Variants in ST3GAL2 observed in about 807,000 individuals in gnomAD.
ST3GAL2 encodes CMP-N-acetylneuraminate-beta-galactosamide-alpha-2,3-sialyltransferase 2.
A neutral mutation model predicts 37.5 loss-of-function variants in ST3GAL2; 16 were observed. The observed-to-expected ratio is 0.43, with a 90% CI of 0.29 to 0.65. The LOEUF is 0.65. ST3GAL2 is among the 30% of genes least tolerant of loss of function. ST3GAL2 has a pLI of 0.17. For missense variants in ST3GAL2, 383 were observed against 487.8 expected, an observed-to-expected ratio of 0.79 and a Z score of 2.02; for synonymous variants, 238 against 202.9, an observed-to-expected ratio of 1.17 and a Z score of -1.47.
rs1048505086 is a variant in ST3GAL2 at position 70,428,948 on chromosome 16, A to G, written c.-1004+10001T>C. Among the ~76,000 whole-genome samples, 5 of 152,224 alleles carry G rather than the reference A, an allele frequency of 3.3e-5. No homozygotes were observed. The East Asian group carries it at 5.8e-4, about 18-fold the overall frequency. ...TGGCAAATAAAAAAATGGGAATCCT[A>G]TTAACAGTCACCCCAGGGCCTAAAT... On this transcript the variant is annotated intron_variant, in intron 1 of 6. Transcript: ENST00000342907.
intron 1 of ST3GAL2, among the ~76,000 whole-genome samples, chr16:70,405,015 G>A (rs1222123838): frequency 3.4e-5 from 5 of 144,986 alleles, no homozygotes; most frequent in African/African-American, 5.1e-5. Flanking sequence ...CCTGGCGACA[G>A]AGTGAGACTC....
At position 70,394,971 on chromosome 16, in the gene ST3GAL2, C is replaced by G; in HGVS notation, c.533+11G>C. 6.2e-7 allele frequency: 1 copy of G among 1,610,638 alleles called. No individual in the cohort carries two copies. Among genetic ancestry groups the G allele is most frequent in the East Asian group, 2.2e-5 (1 of 44,606 alleles). ...ATCCTGAGCCCACCCTTGGGCTCCACAGGGGCTCACCTCATGATGAAGTTG... is the reference window on the plus strand; with the variant it reads ...ATCCTGAGCCCACCCTTGGGCTCCAGAGGGGCTCACCTCATGATGAAGTTG... On this transcript the variant is annotated intron_variant, in intron 3 of 6. Transcript: ENST00000342907.
In ST3GAL2 at chr16:70,420,369, T is replaced by G. The variant is rs576872714; in HGVS notation, c.-1004+18580A>C. The stretch of plus-strand genomic sequence containing the variant: ...TCCAGTCACATAGGTGCCAATCACC[T>G]GGGAGACCTAGGGAAACAGGCATCC... On this transcript the variant is annotated intron_variant, in intron 1 of 6. Transcript: ENST00000342907. 6.6e-5 allele frequency among the ~76,000 whole-genome samples: 10 copies of G among 152,322 alleles called. No individual in the cohort carries two copies. The South Asian group carries it at 2.1e-3, about 32-fold the overall frequency.
At chr16:70,393,447 A>G (rs2047495087) in intron 3 of ST3GAL2, among the ~76,000 whole-genome samples, 1 of 152,104 alleles carries the variant, frequency 6.6e-6, no homozygotes, top group Non-Finnish European at 1.5e-5. Flanking sequence ...GTCCTTTTGG[A>G]CCTGCAGGGC....
intron 1 of ST3GAL2, chr16:70,399,793 A>G (rs1414023789): frequency 5.0e-6 from 1 of 200,746 alleles, no homozygotes; most frequent in Non-Finnish European, 9.9e-6. Context: ...TCCCTAAGCC[A>G]CATGCTTTCA....
chr16:70,428,740 T>C (rs2047768392), intron 1 of ST3GAL2, among the ~76,000 whole-genome samples: 1 of 152,202 alleles, frequency 6.6e-6, no homozygotes, highest in African/African-American at 2.4e-5. Flanking sequence ...CTTCCTCCTC[T>C]TCTCTACAGT....
intron 1 of ST3GAL2, among the ~76,000 whole-genome samples, chr16:70,411,223 A>G (rs1182997003): frequency 2.6e-5 from 4 of 151,846 alleles, no homozygotes; most frequent in African/African-American, 7.3e-5. Flanking sequence ...CATCTCTACT[A>G]AAAATACAAA....
chr16:70,414,464 G>A (rs1307682062), intron 1 of ST3GAL2, among the ~76,000 whole-genome samples: 2 of 152,170 alleles, frequency 1.3e-5, no homozygotes, highest in African/African-American at 4.8e-5. Context: ...GCCCATTTCA[G>A]TCTTTCACCT....
chr16:70,425,673 C>T (rs1391274762), intron 1 of ST3GAL2, among the ~76,000 whole-genome samples: 8 of 151,814 alleles, frequency 5.3e-5, no homozygotes, highest in African/African-American at 1.9e-4. Flanking sequence ...GAACCGAGAC[C>T]GCTCCATTCA....
intron 4 of ST3GAL2, among the ~76,000 whole-genome samples, chr16:70,385,987 G>A (rs1053149161): frequency 7.2e-5 from 11 of 152,064 alleles, no homozygotes; most frequent in Middle Eastern, 3.4e-3. Flanking sequence ...GATTACAGGT[G>A]TGAGCCACTG....
At chr16:70,390,145 G>A (rs2047473246) in intron 3 of ST3GAL2, among the ~76,000 whole-genome samples, 1 of 152,066 alleles carries the variant, frequency 6.6e-6, no homozygotes, top group African/African-American at 2.4e-5. Flanking sequence ...CACCATCATG[G>A]CTCACTGCAG....
chr16:70,379,196 C>T lies in ST3GAL2; in HGVS notation c.*2493G>A, dbSNP rs1009390626. On this transcript the variant is annotated 3_prime_UTR_variant, in exon 7 of 7. Coordinates refer to ENST00000342907, the MANE Select transcript of ST3GAL2 (RefSeq NM_006927.4). Reference sequence around the variant, plus strand: ...CTGGAGACATCATGTTGACAGAGGCCAAAGTGGTTACAGGACAGCCACTGC... The same window carrying T: ...CTGGAGACATCATGTTGACAGAGGCTAAAGTGGTTACAGGACAGCCACTGC... The T allele has an allele frequency of 4.6e-5, 7 of 152,134 alleles. No individual in the cohort carries two copies. Among genetic ancestry groups the T allele is most frequent in the African/African-American group, 1.4e-4 (6 of 41,422 alleles). 9.4% of individuals were successfully genotyped at this position (152,134 alleles called of 1,614,324 possible).
Position 70,411,680 on chromosome 16 carries a change from T to C in ST3GAL2, c.-1003-12147A>G, listed in dbSNP as rs117136893. Among the ~76,000 whole-genome samples the C allele has an allele frequency of 8.6e-3, 1,309 of 152,230 alleles. 8 individuals are homozygous for C. The highest frequency in any genetic ancestry group is 0.015 in the Non-Finnish European group (1,025 of 68,012). On this transcript the variant is annotated intron_variant, in intron 1 of 6. Transcript: ENST00000342907. ...AAGTCATTGTGGGTTACTCTGCTAC[T>C]TGCATCCTAATATATTGTTAATAGT...
At chr16:70,397,993 G>A (rs774773375) in intron 2 of ST3GAL2, among the ~76,000 whole-genome samples, 199 bp downstream of exon 2, 3 of 152,178 alleles carry the variant, frequency 2.0e-5, no homozygotes, top group East Asian at 1.9e-4. Context: ...GCCTATGCTC[G>A]GGTCCTACAG....
At chr16:70,412,040 C>A (rs2047642066) in intron 1 of ST3GAL2, among the ~76,000 whole-genome samples, 1 of 152,078 alleles carries the variant, frequency 6.6e-6, no homozygotes, top group Non-Finnish European at 1.5e-5. Context: ...CATAATGCAT[C>A]CACTTCTGTG....
chr16:70,429,167 C>T (rs917305249), intron 1 of ST3GAL2, among the ~76,000 whole-genome samples: 3 of 152,214 alleles, frequency 2.0e-5, no homozygotes, highest in Non-Finnish European at 2.9e-5. Flanking sequence ...CGCATCCAAA[C>T]AGGTTAGGAG....
chr16:70,389,039 A>T (rs1319682928), intron 3 of ST3GAL2, among the ~76,000 whole-genome samples: 3 of 135,174 alleles, frequency 2.2e-5, no homozygotes, highest in Middle Eastern at 4.3e-3. Context: ...GCACCACCGC[A>T]CTCCAGCCTG....
chr16:70,385,172 G>T (rs528446350), intron 4 of ST3GAL2, among the ~76,000 whole-genome samples: 22 of 152,118 alleles, frequency 1.4e-4, no homozygotes, highest in Middle Eastern at 6.8e-3. Context: ...GGGCGTGGTG[G>T]TGCTTGCCTG....
At chr16:70,429,997 G>A (rs964929713) in intron 1 of ST3GAL2, among the ~76,000 whole-genome samples, 2 of 152,190 alleles carry the variant, frequency 1.3e-5, no homozygotes, top group Non-Finnish European at 2.9e-5. Flanking sequence ...CATTCAACCA[G>A]ACCAAGCCCT....
Sources: allele counts gnomAD v4.1 joint callset (sites outside exome capture counted in the v4.1 genomes callset), GRCh38; gene constraint gnomAD v4.1.1; transcripts MANE v1.5; gene names NCBI Gene and HGNC (gene_info 2026-07-23, HGNC 2026-07-21).